BEND4: variants seen among roughly 807,000 people sequenced by gnomAD.
BEND4 encodes BEN domain containing 4.
Under a neutral mutation model 54.7 loss-of-function variants are expected in BEND4, and 27 were observed. The observed-to-expected ratio is 0.49, with a 90% confidence interval of 0.36 to 0.68. The LOEUF (loss-of-function observed/expected upper bound fraction) is 0.68, where lower values mean the gene tolerates loss of function less well. Among genes scored for constraint, BEND4 ranks in the 30% least tolerant of loss-of-function variants. The pLI is 0.00. For synonymous variants in BEND4, 327 were observed against 299.5 expected, an observed-to-expected ratio of 1.09 and a Z score of -0.95; for missense variants, 702 against 697.2, an observed-to-expected ratio of 1.01 and a Z score of -0.08.
Position 42,117,751 on chromosome 4 carries a change from C to CA in BEND4, c.1388-17dup, listed in dbSNP as rs1719903116. On this transcript the variant is annotated splice_polypyrimidine_tract_variant and intron_variant, in intron 5 of 5. Coordinates refer to ENST00000502486, the MANE Select transcript of BEND4 (RefSeq NM_207406.4). ...CTAATGAATTCTGCAGGAATATATA[C>CA]AACATCAAAAAGAGAGAGAGAAAAA... is the stretch of plus-strand genomic sequence containing the variant. 3 of 1,531,446 alleles carry CA rather than the reference C, an allele frequency of 2.0e-6. No individual in the cohort carries two copies. The highest frequency in any genetic ancestry group is 1.9e-5 in the Admixed American group (1 of 51,444). The allele number at this position is 1,531,446 out of a possible 1,614,324, so 94.9% of individuals were successfully genotyped here.
At position 42,112,958 on chromosome 4, in the gene BEND4, T is replaced by C. The variant is rs1237975875; in HGVS notation, c.*4560A>G. On this transcript the variant is annotated 3_prime_UTR_variant, in exon 6 of 6. Transcript: ENST00000502486. Reference sequence around the variant, plus strand: ...TTTTCCTACATTACTCCAACTGAAGTGGTTATTTTTATCCAGCACTTACAT... The same window carrying C: ...TTTTCCTACATTACTCCAACTGAAGCGGTTATTTTTATCCAGCACTTACAT... 6.6e-6 allele frequency: 1 copy of C among 152,208 alleles called. No individual in the cohort carries two copies. The highest frequency in any genetic ancestry group is 2.4e-5 in the African/African-American group (1 of 41,442). The allele number at this position is 152,208 out of a possible 1,614,324, so 9.4% of individuals were successfully genotyped here.
At chr4:42,127,963 G>C (rs1720348890) in intron 3 of BEND4, among the ~76,000 whole-genome samples, 1 of 152,142 alleles carries the variant, frequency 6.6e-6, no homozygotes, top group Admixed American at 6.5e-5. Flanking sequence ...AGGAGATTGA[G>C]ACTAGCCTCG....
At position 42,151,692 on chromosome 4, in the gene BEND4, G is replaced by T. The variant is rs932119677; in HGVS notation, c.452C>A (p.Thr151Lys). Residue 151 changes from threonine to lysine, a missense_variant, in exon 2 of 6, where the codon ACG becomes AAG. Transcript: ENST00000502486. ...GAAAAAGTGG[T>K]GSDSASLELS... ...CTCCAGGCTGGCGCTGTCGCTACCC[G>T]TGCCGCCGGTGCCGGCGGCCGCCGC... The T allele has an allele frequency of 3.3e-6, 5 of 1,504,836 alleles. No individual in the cohort carries two copies. The African/African-American group carries it at 4.4e-5, about 13-fold the overall frequency. The allele number at this position is 1,504,836 out of a possible 1,614,324, so 93.2% of individuals were successfully genotyped here.
intron 2 of BEND4, among the ~76,000 whole-genome samples, chr4:42,144,240 T>C (rs2153147386): frequency 1.3e-5 from 2 of 152,330 alleles, no homozygotes; most frequent in South Asian, 4.2e-4. Context: ...ACTGTGACTT[T>C]GGGCACCATA....
At chr4:42,139,977 A>G (rs1720828855) in intron 3 of BEND4, among the ~76,000 whole-genome samples, 1 of 152,236 alleles carries the variant, frequency 6.6e-6, no homozygotes, top group African/African-American at 2.4e-5. Flanking sequence ...TCTTCAAATG[A>G]TAACAGATAC....
intron 3 of BEND4, among the ~76,000 whole-genome samples, chr4:42,127,609 T>G (rs377157443): frequency 5.3e-5 from 8 of 152,194 alleles, no homozygotes; most frequent in African/African-American, 1.9e-4. Context: ...TTTCACTGAT[T>G]GTGTGACCTT....
chr4:42,143,993 C>T lies in BEND4; in HGVS notation c.489G>A (p.Glu163=). Residue 163 remains glutamate (E), a splice_region_variant and synonymous_variant, in exon 3 of 6, where the codon GAG becomes GAA. Transcript: ENST00000502486. ...SDSASLELSA[E]SRMILDAFAQ... Reference sequence around the variant, plus strand: ...CAAAGGCATCCAAGATCATTCGACTCTCTGAAACAAATGAAAGGACACATC... The same window carrying T: ...CAAAGGCATCCAAGATCATTCGACTTTCTGAAACAAATGAAAGGACACATC... 1.3e-6 allele frequency: 2 copies of T among 1,579,318 alleles called. No homozygotes were observed. Among genetic ancestry groups the T allele is most frequent in the Non-Finnish European group, 1.7e-6 (2 of 1,165,442 alleles).
intron 3 of BEND4, among the ~76,000 whole-genome samples, chr4:42,142,557 C>T (rs1003167064): frequency 1.2e-4 from 18 of 148,924 alleles, no homozygotes; most frequent in Non-Finnish European, 2.4e-4. Flanking sequence ...TGCTTGTACC[C>T]AGGAGACGGA....
intron 2 of BEND4, among the ~76,000 whole-genome samples, chr4:42,146,830 T>C (rs927879836): frequency 6.6e-6 from 1 of 152,236 alleles, no homozygotes; most frequent in Non-Finnish European, 1.5e-5. Flanking sequence ...CAGAACTGGC[T>C]AGTAAGAACT....
chr4:42,130,286 C>G (rs1720460374), intron 3 of BEND4, among the ~76,000 whole-genome samples: 1 of 151,906 alleles, frequency 6.6e-6, no homozygotes, highest in Non-Finnish European at 1.5e-5. Flanking sequence ...CGAGACCATC[C>G]CAGCTAACAC....
chr4:42,137,474 G>A (rs1016494461), intron 3 of BEND4, among the ~76,000 whole-genome samples: 4 of 152,106 alleles, frequency 2.6e-5, no homozygotes, highest in African/African-American at 9.7e-5. Context: ...AATTTTTTAG[G>A]TATCATAAAA....
Position 42,151,660 on chromosome 4 carries a change from C to A in BEND4, c.484G>T (p.Ala162Ser). ...AAGTTGTGCGGAGAGTTGGTACCTG[C>A]GCTGAGCTCCAGGCTGGCGCTGTCG... ...GSDSASLELS[A>S]ESRMILDAFA... The change falls in exon 2 of 6, where the codon GCA becomes TCA. Residue 162 changes from alanine (A) to serine (S), a missense_variant. Ala to Ser is a moderately conservative substitution (Grantham distance 99). Coordinates refer to ENST00000502486, the MANE Select transcript of BEND4 (RefSeq NM_207406.4). 6.7e-7 allele frequency: 1 copy of A among 1,483,288 alleles called. No homozygotes were observed. The highest frequency in any genetic ancestry group is 8.9e-7 in the Non-Finnish European group (1 of 1,120,214). 91.9% of individuals were successfully genotyped at this position (1,483,288 alleles called of 1,614,324 possible).
chr4:42,138,417 G>A (rs546181044), intron 3 of BEND4, among the ~76,000 whole-genome samples: 1 of 152,190 alleles, frequency 6.6e-6, no homozygotes, highest in Non-Finnish European at 1.5e-5. Flanking sequence ...GTAGCTACAA[G>A]GGGTGGGGAG....
Position 42,117,612 on chromosome 4 carries a change from AG to A in BEND4, c.1510del (p.Leu504CysfsTer57). On this transcript the variant is annotated frameshift_variant, in exon 6 of 6. Coordinates refer to ENST00000502486, the MANE Select transcript of BEND4 (RefSeq NM_207406.4). LOFTEE classifies it high-confidence loss of function. ...ARQGRAVGTF[L>X]HNGGSFYEGI... ...TTCATAAAATGAGCCACCGTTGTGCAGGAAAGTCCCCACCGCCCGCCCCTGT... is the reference window on the plus strand; with the variant it reads ...TTCATAAAATGAGCCACCGTTGTGCAGAAAGTCCCCACCGCCCGCCCCTGT... 6.2e-7 allele frequency: 1 copy of A among 1,613,336 alleles called. No individual in the cohort carries two copies. The highest frequency in any genetic ancestry group is 1.1e-5 in the South Asian group (1 of 90,810).
intron 4 of BEND4, among the ~76,000 whole-genome samples, chr4:42,122,732 T>C (rs149465951): frequency 7.9e-5 from 12 of 152,324 alleles, no homozygotes; most frequent in Admixed American, 6.5e-4. Context: ...TTTTAAGCTG[T>C]TTATTTAACA....
chr4:42,130,459 G>T (rs1485344689), intron 3 of BEND4, among the ~76,000 whole-genome samples: 1 of 124,724 alleles, frequency 8.0e-6, no homozygotes, highest in Non-Finnish European at 1.6e-5. Flanking sequence ...CAGTCTGGGC[G>T]ACAGAGCAAG....
intron 4 of BEND4, among the ~76,000 whole-genome samples, chr4:42,123,807 A>G (rs1191171967): frequency 1.3e-5 from 2 of 152,054 alleles, no homozygotes; most frequent in African/African-American, 4.8e-5. Context: ...GCAGTTCAAC[A>G]TGGCTGTAGA....
At chr4:42,120,023 G>C (rs1160736313) in intron 5 of BEND4, 31 bp downstream of exon 5, 2 of 1,613,522 alleles carry the variant, frequency 1.2e-6, no homozygotes, top group Non-Finnish European at 1.7e-6. Flanking sequence ...TGAGATCACA[G>C]ATGGTGACAC....
In BEND4 at chr4:42,117,267, T is replaced by G; in HGVS notation, c.*251A>C. 5.8e-6 allele frequency: 2 copies of G among 346,296 alleles called. No homozygotes were observed. Among genetic ancestry groups the G allele is most frequent in the Non-Finnish European group, 5.2e-6 (1 of 194,116 alleles). 21.5% of individuals were successfully genotyped at this position (346,296 alleles called of 1,614,324 possible). ...CTCACCTATTTTTTCACCCTCATGA[T>G]CTAGCTAGTAATCATTTAAAAATCA... On this transcript the variant is annotated 3_prime_UTR_variant, in exon 6 of 6. Coordinates refer to ENST00000502486, the MANE Select transcript of BEND4 (RefSeq NM_207406.4).
Sources: gnomAD v4.1 joint callset for allele counts (sites outside exome capture counted in the v4.1 genomes callset) on GRCh38, gnomAD v4.1.1 for gene constraint, MANE v1.5 for transcripts, NCBI Gene and HGNC (gene_info 2026-07-23, HGNC 2026-07-21) for gene names.